Variants in UXS1 observed in about 807,000 individuals in gnomAD.
UXS1 encodes UDP-glucuronic acid decarboxylase 1.
A neutral mutation model predicts 62.6 loss-of-function variants in UXS1; 33 were observed. The observed-to-expected ratio is 0.53, with a 90% CI of 0.40 to 0.70. The LOEUF (loss-of-function observed/expected upper bound fraction) is 0.70, where lower values mean the gene tolerates loss of function less well. UXS1 is among the 30% of genes least tolerant of loss of function. The pLI, the probability that UXS1 is intolerant of heterozygous loss-of-function variation, is 0.00. For missense variants in UXS1, 434 were observed against 556.3 expected (o/e 0.78, Z 2.21); for synonymous variants, 213 against 206.8 (o/e 1.03, Z -0.26).
chr2:106,122,884 T>G, intron 9 of UXS1, 86 bp downstream of exon 9: 2 of 1,524,868 alleles, frequency 1.3e-6, no homozygotes, highest in Non-Finnish European at 1.8e-6. Context: ...AAATCAGTCA[T>G]GGCATTCATT....
chr2:106,107,065 TTAGGCAACTCCCGCGTCA>T (rs1678140095), intron 10 of UXS1, among the ~76,000 whole-genome samples: 1 of 152,184 alleles, frequency 6.6e-6, no homozygotes, highest in South Asian at 2.1e-4. Flanking sequence ...AGTATCGGAT[TTAGGCAACTCCCGCGTCA>T]CAGGCTCCTC....
chr2:106,121,418 G>A (rs1679507823), intron 9 of UXS1, among the ~76,000 whole-genome samples: 1 of 152,130 alleles, frequency 6.6e-6, no homozygotes, highest in African/African-American at 2.4e-5. Flanking sequence ...AAATTCACTA[G>A]GTAAGAAATA....
intron 6 of UXS1, among the ~76,000 whole-genome samples, chr2:106,144,353 T>C (rs1210327689): frequency 2.0e-5 from 3 of 152,180 alleles, no homozygotes; most frequent in East Asian, 3.9e-4. Context: ...ATTCATCTCA[T>C]CTTGGAACGG....
chr2:106,193,806 C>A (rs1027891918), intron 1 of UXS1, among the ~76,000 whole-genome samples: 15 of 152,026 alleles, frequency 9.9e-5, no homozygotes, highest in African/African-American at 3.6e-4. Flanking sequence ...AGTCCCCGAC[C>A]GGGACCCTCG....
intron 5 of UXS1, among the ~76,000 whole-genome samples, chr2:106,148,611 A>AT (rs146568775): frequency 2.0e-5 from 3 of 151,746 alleles, no homozygotes; most frequent in Non-Finnish European, 2.9e-5. Flanking sequence ...ATGCACTGGA[A>AT]TTTTTTTTTC....
intron 2 of UXS1, among the ~76,000 whole-genome samples, chr2:106,165,331 G>T (rs967292272): frequency 6.6e-6 from 1 of 151,968 alleles, no homozygotes; most frequent in Non-Finnish European, 1.5e-5. Flanking sequence ...GCCTCCTGAG[G>T]GCATAGTAAC....
chr2:106,117,835 A>G (rs1679181793), intron 9 of UXS1, among the ~76,000 whole-genome samples: 1 of 152,248 alleles, frequency 6.6e-6, no homozygotes, highest in Admixed American at 6.5e-5. Flanking sequence ...ACCTGTGGAT[A>G]AAACTAAGGC....
intron 5 of UXS1, among the ~76,000 whole-genome samples, chr2:106,148,048 A>G (rs1681709668): frequency 6.6e-6 from 1 of 152,212 alleles, no homozygotes; most frequent in Non-Finnish European, 1.5e-5. Context: ...CTTCAAGATA[A>G]GAAACTGACA....
intron 14 of UXS1, among the ~76,000 whole-genome samples, 160 bp from the exon 15 acceptor site, chr2:106,094,317 C>T (rs751022302): frequency 7.2e-5 from 9 of 125,426 alleles, no homozygotes; most frequent in Non-Finnish European, 1.2e-4. Flanking sequence ...GTGACAGCAT[C>T]CAGCATCACG....
chr2:106,095,483 T>C (rs967651016), intron 14 of UXS1, among the ~76,000 whole-genome samples: 2 of 152,254 alleles, frequency 1.3e-5, no homozygotes, highest in Non-Finnish European at 2.9e-5. Flanking sequence ...TCTAGGATTC[T>C]ACTCACTCAG....
At chr2:106,158,247 G>T in intron 4 of UXS1, 129 bp from the exon 5 acceptor site, 1 of 753,610 alleles carries the variant, frequency 1.3e-6, no homozygotes, top group Non-Finnish European at 2.2e-6. Flanking sequence ...ACTCTTGAAT[G>T]AGTGCTGGAG....
intron 1 of UXS1, among the ~76,000 whole-genome samples, chr2:106,186,372 A>G (rs543575007): frequency 6.6e-6 from 1 of 152,238 alleles, no homozygotes; most frequent in East Asian, 1.9e-4. Flanking sequence ...GTTTAACTGA[A>G]CTTAATCATA....
chr2:106,128,330 C>A (rs1284428396), intron 7 of UXS1, among the ~76,000 whole-genome samples: 1 of 152,182 alleles, frequency 6.6e-6, no homozygotes, highest in Non-Finnish European at 1.5e-5. Context: ...TCATCTTACT[C>A]CAAACAACCT....
chr2:106,110,959 A>G (rs1240057474), intron 10 of UXS1, among the ~76,000 whole-genome samples: 1 of 152,202 alleles, frequency 6.6e-6, no homozygotes, highest in Non-Finnish European at 1.5e-5. Context: ...GAAAAGCAAG[A>G]CGCTGCTGGG....
At chr2:106,181,006 C>T (rs763971148) in intron 1 of UXS1, among the ~76,000 whole-genome samples, 1 of 152,152 alleles carries the variant, frequency 6.6e-6, no homozygotes, top group Non-Finnish European at 1.5e-5. Flanking sequence ...ATATACTTTC[C>T]CTAAGGTTAC....
intron 3 of UXS1, among the ~76,000 whole-genome samples, 187 bp downstream of exon 3, chr2:106,164,549 A>AC (rs1683096509): frequency 6.6e-6 from 1 of 152,210 alleles, no homozygotes; most frequent in Non-Finnish European, 1.5e-5. Flanking sequence ...TTGTTTTAAT[A>AC]CATCAAAAAT....
intron 5 of UXS1, among the ~76,000 whole-genome samples, chr2:106,146,940 G>A (rs959655621): frequency 3.3e-5 from 5 of 152,076 alleles, no homozygotes; most frequent in East Asian, 3.9e-4. Flanking sequence ...ATCATTTGAC[G>A]CCAGGCGTTC....
chr2:106,096,867 T>TG (rs1392215297), intron 13 of UXS1, 46 bp from the exon 14 acceptor site: 23 of 1,534,316 alleles, frequency 1.5e-5, no homozygotes, highest in Non-Finnish European at 1.9e-5. Context: ...TCACAAAGCA[T>TG]GGGTAAGCAC....
At chr2:106,149,648 C>T (rs761907031) in intron 5 of UXS1, among the ~76,000 whole-genome samples, 3 of 152,144 alleles carry the variant, frequency 2.0e-5, no homozygotes, top group Non-Finnish European at 4.4e-5. Flanking sequence ...ATAAATTACC[C>T]AGTCTTAGGT....
Sources: allele counts gnomAD v4.1 joint callset (sites outside exome capture counted in the v4.1 genomes callset), GRCh38; gene constraint gnomAD v4.1.1; transcripts MANE v1.5; gene names NCBI Gene and HGNC (gene_info 2026-07-23, HGNC 2026-07-21).